The following LY75 variants were observed in gnomAD, a reference collection of about 807,000 sequenced individuals.
The protein encoded by LY75 is lymphocyte antigen 75.
LY75 carries 185 observed loss-of-function variants against 231.7 expected under a neutral mutation model. The ratio of observed to expected loss-of-function variants is 0.80; its 90% CI spans 0.71 to 0.90. The LOEUF is 0.90. Ranked by LOEUF, LY75 falls within the 40% of genes least tolerant of loss-of-function variation. LY75 has a pLI of 0.00. For missense variants in LY75, 1,947 were observed against 2,050.2 expected (o/e 0.95, Z 0.97); for synonymous variants, 668 against 689.0 (o/e 0.97, Z 0.48).
At position 159,875,590 on chromosome 2, in the gene LY75, C is replaced by G. The variant is rs1685243085; in HGVS notation, c.1828G>C (p.Glu610Gln). Reference protein sequence around the residue: ...MSTGKSVGKWEVKDCRSFKAL... With the variant: ...MSTGKSVGKWQVKDCRSFKAL... ...TTGAAGCTTCTGCAGTCCTTCACCT[C>G]CCACTTTCCAACAGACTTTCCAGTA... The change falls in exon 12 of 35, where the codon GAG becomes CAG. Residue 610 changes from glutamate (E) to glutamine (Q), a missense_variant. Transcript: ENST00000263636. 3.1e-6 allele frequency: 5 copies of G among 1,614,072 alleles called. No homozygotes were observed. The highest frequency in any genetic ancestry group is 4.2e-6 in the Non-Finnish European group (5 of 1,179,996).
chr2:159,805,097 A>G lies in LY75; in HGVS notation c.5116T>C (p.Tyr1706His). The G allele has an allele frequency of 6.2e-7, 1 of 1,614,188 alleles. No homozygotes were observed. The highest frequency in any genetic ancestry group is 8.5e-7 in the Non-Finnish European group (1 of 1,180,008). Residue 1706 changes from tyrosine (Y) to histidine (H), a missense_variant, in exon 35 of 35, where the codon TAT (tyrosine) becomes CAT (histidine). By Grantham distance (83) the Tyr-to-His change is moderately conservative (BLOSUM62 2). Transcript: ENST00000263636. ...TCATCTTCATTCACTCCTTGTGCAT[A>G]TCGAACTGATGAGAAACCCGCCAGG... is the stretch of plus-strand genomic sequence containing the variant. ...LHLAGFSSVR[Y>H]AQGVNEDEIM... is the part of the protein sequence containing the mutation.
chr2:159,826,726 C>T (rs1683481731), intron 28 of LY75, among the ~76,000 whole-genome samples: 1 of 152,104 alleles, frequency 6.6e-6, no homozygotes, highest in Admixed American at 6.5e-5. Flanking sequence ...GCTACAGTAA[C>T]CAAAACATCA....
intron 27 of LY75, among the ~76,000 whole-genome samples, chr2:159,833,274 GT>G (rs1237760288): frequency 1.3e-5 from 2 of 151,930 alleles, no homozygotes; most frequent in Non-Finnish European, 2.9e-5. Flanking sequence ...TTACAGGCAT[GT>G]GCCACCATGC....
At chr2:159,845,977 A>T (rs115988164) in intron 23 of LY75, among the ~76,000 whole-genome samples, 1 of 149,082 alleles carries the variant, frequency 6.7e-6, no homozygotes, top group African/African-American at 2.5e-5. Flanking sequence ...TTTTTTTTTT[A>T]AACATAGACA....
Position 159,817,814 on chromosome 2 carries a change from A to G in LY75, c.4154-782T>C, listed in dbSNP as rs938803531. On this transcript the variant is annotated intron_variant, in intron 29 of 34. Coordinates refer to ENST00000263636, the MANE Select transcript of LY75 (RefSeq NM_002349.4). ...TGTAATCCCAGCATTTTGGGAGGCC[A>G]AGGCGGGGGGATCACCTGAGGTCAG... is the stretch of plus-strand genomic sequence containing the variant. Among the ~76,000 whole-genome samples, 210 of 152,196 alleles carry G rather than the reference A, an allele frequency of 1.4e-3. 1 individual carries two copies. Among genetic ancestry groups the G allele is most frequent in the Non-Finnish European group, 3.7e-4 (25 of 67,992 alleles).
At position 159,904,570 on chromosome 2, in the gene LY75, C is replaced by T. The variant is rs1248733169; in HGVS notation, c.94+19G>A. Reference sequence around the variant, plus strand: ...TCGAGGCACCCAGCGGACTGCGGGGCTGGCGTGCCCGCGGTTACCTGCGCG... The same window carrying T: ...TCGAGGCACCCAGCGGACTGCGGGGTTGGCGTGCCCGCGGTTACCTGCGCG... On this transcript the variant is annotated intron_variant, in intron 1 of 34. Transcript: ENST00000263636. 6.6e-7 allele frequency: 1 copy of T among 1,506,124 alleles called. No individual in the cohort carries two copies. Among genetic ancestry groups the T allele is most frequent in the Admixed American group, 2.1e-5 (1 of 47,054 alleles). The allele number at this position is 1,506,124 out of a possible 1,614,324, so 93.3% of individuals were successfully genotyped here.
chr2:159,852,092 CAG>C (rs1425824041), intron 21 of LY75, 107 bp downstream of exon 21: 1 of 1,434,028 alleles, frequency 7.0e-7, no homozygotes, highest in Non-Finnish European at 9.3e-7. Flanking sequence ...CTGAAACATG[CAG>C]AGTCTATTTC....
chr2:159,898,174 G>A (rs1486885796), intron 2 of LY75, among the ~76,000 whole-genome samples: 3 of 152,138 alleles, frequency 2.0e-5, no homozygotes, highest in South Asian at 2.1e-4. Context: ...ATTCACAGGC[G>A]TGATCATTAC....
In LY75 at chr2:159,898,640, G is replaced by A. The variant is rs1309708770; in HGVS notation, c.466+48C>T. 1.1e-5 allele frequency: 17 copies of A among 1,568,992 alleles called. 1 individual carries two copies. The South Asian group carries it at 1.8e-4, about 16-fold the overall frequency. On this transcript the variant is annotated intron_variant, in intron 2 of 34. Transcript: ENST00000263636. Reference sequence around the variant, plus strand: ...AAATTGTGCATGTTTAATGCCACATGTGACAAGCACAACAGCAAATCGGTC... The same window carrying A: ...AAATTGTGCATGTTTAATGCCACATATGACAAGCACAACAGCAAATCGGTC...
intron 14 of LY75, among the ~76,000 whole-genome samples, chr2:159,862,284 T>C (rs1684730418): frequency 1.1e-5 from 1 of 88,292 alleles, no homozygotes; most frequent in South Asian, 5.5e-4. Context: ...AGAGTGAGAC[T>C]ACGTCTCAAA....
intron 28 of LY75, among the ~76,000 whole-genome samples, chr2:159,825,537 G>T (rs1683434759): frequency 6.6e-6 from 1 of 152,202 alleles, no homozygotes; most frequent in Non-Finnish European, 1.5e-5. Flanking sequence ...GTACAAAGAG[G>T]AGCTGGTAAC....
intron 2 of LY75, among the ~76,000 whole-genome samples, chr2:159,898,223 T>C (rs1448740950): frequency 6.6e-6 from 1 of 152,260 alleles, no homozygotes; most frequent in Non-Finnish European, 1.5e-5. Context: ...CAAGTGATCC[T>C]GCTGCCTCAG....
chr2:159,882,402 G>A (rs755195941), intron 6 of LY75, 87 bp from the exon 7 acceptor site: 15 of 1,516,794 alleles, frequency 9.9e-6, no homozygotes, highest in Non-Finnish European at 1.3e-5. Context: ...CTTGAATAAT[G>A]AGAGTCCTGG....
At chr2:159,894,674 C>T (rs1047109923) in intron 2 of LY75, among the ~76,000 whole-genome samples, 12 of 152,094 alleles carry the variant, frequency 7.9e-5, no homozygotes, top group African/African-American at 2.9e-4. Flanking sequence ...AATTTCTGAG[C>T]AGATTCTTGG....
In LY75 at chr2:159,858,444, A is replaced by C; in HGVS notation, c.2301T>G (p.His767Gln). The C allele has an allele frequency of 6.2e-7, 1 of 1,613,406 alleles. No individual in the cohort carries two copies. Among genetic ancestry groups the C allele is most frequent in the Non-Finnish European group, 8.5e-7 (1 of 1,179,712 alleles). Reference sequence around the variant, plus strand: ...AAATAAATTCTCTATCATCATAGAAATGCCAGCCTCTTCGCCATGGCCTAT... The same window carrying C: ...AAATAAATTCTCTATCATCATAGAACTGCCAGCCTCTTCGCCATGGCCTAT... ...VFHRPWRRGWHFYDDREFIYL... is the reference protein window; with the variant it reads ...VFHRPWRRGWQFYDDREFIYL... The change falls in exon 16 of 35, where the codon CAT becomes CAG. Residue 767 changes from histidine (H) to glutamine (Q), a missense_variant. Physicochemically the swap from His to Gln is conservative, Grantham distance 24. Transcript: ENST00000263636.
intron 25 of LY75, among the ~76,000 whole-genome samples, chr2:159,840,117 T>C (rs1683969761): frequency 1.3e-5 from 2 of 152,110 alleles, no homozygotes; most frequent in African/African-American, 2.4e-5. Flanking sequence ...ATCTTTTCAT[T>C]GGCTGAAGAG....
At chr2:159,834,768 A>G (rs980490880) in intron 26 of LY75, among the ~76,000 whole-genome samples, 9 of 152,366 alleles carry the variant, frequency 5.9e-5, no homozygotes, top group African/African-American at 1.7e-4. Flanking sequence ...AGATACAAAT[A>G]TAAACATATT....
Position 159,815,410 on chromosome 2 carries a change from G to GTA in LY75, c.4542_4543dup (p.Thr1515IlefsTer62). 6.3e-7 allele frequency: 1 copy of GTA among 1,590,550 alleles called. No individual in the cohort carries two copies. The highest frequency in any genetic ancestry group is 1.1e-5 in the South Asian group (1 of 87,382). On this transcript the variant is annotated frameshift_variant, in exon 31 of 35. Coordinates refer to ENST00000263636, the MANE Select transcript of LY75 (RefSeq NM_002349.4). LOFTEE classifies it high-confidence loss of function. ...TACTGAAATTGAAGTCTTACATTTT[G>GTA]TAGGTTTATAACAAATAGCACCATC...
In LY75 at chr2:159,849,967, TA is replaced by T. The variant is rs1444218607; in HGVS notation, c.3150+12del. Reference sequence around the variant, plus strand: ...CAGAGGTATGAAGAGTATTGGTTTTTAAAAAAACTTACATTTTCTGGTATTC... The same window carrying T: ...CAGAGGTATGAAGAGTATTGGTTTTTAAAAAACTTACATTTTCTGGTATTC... On this transcript the variant is annotated intron_variant, in intron 23 of 34. Transcript: ENST00000263636. The T allele has an allele frequency of 1.2e-6, 2 of 1,607,938 alleles. No individual in the cohort carries two copies. The highest frequency in any genetic ancestry group is 1.7e-6 in the Non-Finnish European group (2 of 1,178,186).
Sources: allele counts gnomAD v4.1 joint callset (sites outside exome capture counted in the v4.1 genomes callset), GRCh38; gene constraint gnomAD v4.1.1; transcripts MANE v1.5; gene names NCBI Gene and HGNC (gene_info 2026-07-23, HGNC 2026-07-21).